Variants in ATG3 observed in about 807,000 individuals in gnomAD.
ATG3 encodes the protein ubiquitin-like-conjugating enzyme ATG3.
A neutral mutation model predicts 50.7 loss-of-function variants in ATG3; 25 were observed. That is an observed-to-expected ratio of 0.49 (90% CI 0.36 to 0.69). ATG3 has a LOEUF of 0.69. Ranked by LOEUF, ATG3 falls within the 30% of genes least tolerant of loss-of-function variation. The pLI is 0.00. For missense variants in ATG3, 281 were observed against 376.0 expected (o/e 0.75, Z 2.09); for synonymous variants, 119 against 125.5 (o/e 0.95, Z 0.34).
intron 5 of ATG3, 50 bp downstream of exon 5, chr3:112,548,483 T>C (rs1559846350): frequency 5.6e-6 from 8 of 1,430,624 alleles, no homozygotes; most frequent in Non-Finnish European, 6.9e-6. Context: ...TAAAAGATTG[T>C]GAAAGAGTTT....
intron 2 of ATG3, among the ~76,000 whole-genome samples, chr3:112,554,258 T>G (rs1933604638): frequency 6.6e-6 from 1 of 152,178 alleles, no homozygotes; most frequent in African/African-American, 2.4e-5. Flanking sequence ...CACGTATACA[T>G]CTAGATGTGC....
chr3:112,543,572 G>A (rs1336763498), intron 6 of ATG3, among the ~76,000 whole-genome samples: 1 of 152,010 alleles, frequency 6.6e-6, no homozygotes, highest in Admixed American at 6.5e-5. Context: ...AGTAATTGAA[G>A]AAAATACAGA....
intron 6 of ATG3, among the ~76,000 whole-genome samples, 194 bp from the exon 7 acceptor site, chr3:112,542,078 T>A (rs1009562014): frequency 6.6e-6 from 1 of 152,078 alleles, no homozygotes; most frequent in Non-Finnish European, 1.5e-5. Flanking sequence ...CTAAGTGCTG[T>A]GACTGAAAAA....
rs748934081 is a variant in ATG3, at chr3:112,537,856, C to T, written c.545G>A (p.Cys182Tyr). 2 of 1,611,648 alleles carry T rather than the reference C, an allele frequency of 1.2e-6. No homozygotes were observed. Among genetic ancestry groups the T allele is most frequent in the Admixed American group, 1.7e-5 (1 of 59,510 alleles). Residue 182 changes from cysteine to tyrosine, a missense_variant, in exon 9 of 12, where the codon TGT (cysteine) becomes TAT (tyrosine). Cys to Tyr is a radical substitution (Grantham distance 194). Transcript: ENST00000283290. Reference sequence around the variant, plus strand: ...ACCGCCAGCATCAGTTTTGGCTTTACAAGCTTCTACTATTTTCCTTGTATC... The same window carrying T: ...ACCGCCAGCATCAGTTTTGGCTTTATAAGCTTCTACTATTTTCCTTGTATC... ...TLDTRKIVEA[C>Y]KAKTDAGGED...
intron 10 of ATG3, 101 bp from the exon 11 acceptor site, chr3:112,534,438 G>T: frequency 1.2e-6 from 1 of 824,506 alleles, no homozygotes; most frequent in Non-Finnish European, 1.7e-6. Context: ...ATTACTCTCA[G>T]TGAATTAATT....
chr3:112,537,106 G>T (rs1269397910), intron 9 of ATG3, among the ~76,000 whole-genome samples: 1 of 152,048 alleles, frequency 6.6e-6, no homozygotes, highest in Non-Finnish European at 1.5e-5. Context: ...TATCAAGGGA[G>T]GGACAGGAAG....
intron 11 of ATG3, chr3:112,533,745 A>G: frequency 1.0e-6 from 1 of 985,414 alleles, no homozygotes; most frequent in Non-Finnish European, 1.2e-6. Flanking sequence ...TACTTTTGTC[A>G]ATCCAAGAAA....
intron 11 of ATG3, chr3:112,533,654 T>G (rs2082571728): frequency 3.0e-6 from 3 of 985,206 alleles, no homozygotes; most frequent in Non-Finnish European, 3.6e-6. Context: ...TCATTGATTT[T>G]GACTGTTTTT....
At chr3:112,533,773 T>C (rs1248068858) in intron 11 of ATG3, 9 of 985,232 alleles carry the variant, frequency 9.1e-6, no homozygotes, top group African/African-American at 1.7e-5. Context: ...AGGAAAACTA[T>C]AGTAAGATAC....
Position 112,546,199 on chromosome 3 carries a change from C to A in ATG3, c.344-2093G>T, listed in dbSNP as rs1234570481. Among the ~76,000 whole-genome samples, 12 of 152,180 alleles carry A rather than the reference C, an allele frequency of 7.9e-5. No homozygotes were observed. In the East Asian group the frequency reaches 2.3e-3, roughly 29 times the overall value. On this transcript the variant is annotated intron_variant, in intron 5 of 11. Coordinates refer to ENST00000283290, the MANE Select transcript of ATG3 (RefSeq NM_022488.5). ...CAAAAAAAAACCTATCTACCTATAT[C>A]TATACCTATACCTATGCAATAGTCC... is the stretch of plus-strand genomic sequence containing the variant.
At chr3:112,538,431 C>T (rs1043589974) in intron 7 of ATG3, 1 of 398,162 alleles carries the variant, frequency 2.5e-6, no homozygotes, top group African/African-American at 2.1e-5. Context: ...ACAGTGTACA[C>T]AAGCCTACTT....
Position 112,532,537 on chromosome 3 carries a change from AG to A in ATG3, c.*161del. On this transcript the variant is annotated 3_prime_UTR_variant, in exon 12 of 12. Coordinates refer to ENST00000283290, the MANE Select transcript of ATG3 (RefSeq NM_022488.5). Reference sequence around the variant, plus strand: ...TCTTTGCACTGATTTTTATTAAACAAGTAAGGCTGGTAGTGGAACATATTTT... The same window carrying A: ...TCTTTGCACTGATTTTTATTAAACAATAAGGCTGGTAGTGGAACATATTTT... 2.3e-6 allele frequency: 1 copy of A among 439,548 alleles called. No individual in the cohort carries two copies. Among genetic ancestry groups the A allele is most frequent in the South Asian group, 7.8e-5 (1 of 12,864 alleles). 27.2% of individuals were successfully genotyped at this position (439,548 alleles called of 1,614,324 possible). A position where few individuals can be genotyped will look rare whatever the true frequency, so the allele number is the denominator to read the frequency against.
chr3:112,557,922 G>A (rs35255669), intron 2 of ATG3, among the ~76,000 whole-genome samples: 10,310 of 151,964 alleles, frequency 0.068, 439 homozygotes, highest in Admixed American at 0.12. Context: ...AAGGTTTTTA[G>A]CCCAGTATTT....
chr3:112,560,890 A>G (rs779707252), intron 1 of ATG3, among the ~76,000 whole-genome samples: 31 of 152,284 alleles, frequency 2.0e-4, no homozygotes, highest in Non-Finnish European at 2.9e-4. Flanking sequence ...AAAGCTTGGG[A>G]AAAAGGTTTT....
At chr3:112,544,010 C>T in intron 6 of ATG3, 47 bp downstream of exon 6, 1 of 1,392,024 alleles carries the variant, frequency 7.2e-7, no homozygotes, top group African/African-American at 1.4e-5. Flanking sequence ...GATAGATAGG[C>T]AAATAACTAC....
intron 9 of ATG3, among the ~76,000 whole-genome samples, chr3:112,536,921 A>C (rs1933069609): frequency 1.0e-3 from 1 of 960 alleles, no homozygotes; most frequent in Non-Finnish European, 7.6e-3. Context: ...ACTCCATCTC[A>C]AAAAAAAAAA....
intron 2 of ATG3, among the ~76,000 whole-genome samples, chr3:112,556,784 G>C (rs1933694592): frequency 6.6e-6 from 1 of 151,980 alleles, no homozygotes; most frequent in Non-Finnish European, 1.5e-5. Context: ...AATGGATTAA[G>C]GGTGGTGCAA....
rs1201882751 is a variant in ATG3, at chr3:112,558,536, T to C, written c.73-119A>G. The C allele has an allele frequency of 6.8e-6, 5 of 733,084 alleles. No homozygotes were observed. The East Asian group carries it at 1.3e-4, about 19-fold the overall frequency. The allele number at this position is 733,084 out of a possible 1,614,324, so 45.4% of individuals were successfully genotyped here. On this transcript the variant is annotated intron_variant, in intron 1 of 11. Coordinates refer to ENST00000283290, the MANE Select transcript of ATG3 (RefSeq NM_022488.5). ...GCAATAGAGCACATACAAAAAAAAA[T>C]TAGTCTATCTATCTAATCTATAATC...
At chr3:112,550,809 C>G (rs1933506729) in intron 3 of ATG3, among the ~76,000 whole-genome samples, 1 of 152,058 alleles carries the variant, frequency 6.6e-6, no homozygotes, top group African/African-American at 2.4e-5. Flanking sequence ...TTCTTGAAAA[C>G]AAAAAACCTT....
Sources: allele counts gnomAD v4.1 joint callset (sites outside exome capture counted in the v4.1 genomes callset), GRCh38; gene constraint gnomAD v4.1.1; transcripts MANE v1.5; gene names NCBI Gene and HGNC (gene_info 2026-07-23, HGNC 2026-07-21).